Variants in THSD7B observed in about 807,000 individuals in gnomAD.
The protein encoded by THSD7B is thrombospondin type-1 domain-containing protein 7B.
A neutral mutation model predicts 213.6 loss-of-function variants in THSD7B; 138 were observed. That is an observed-to-expected ratio of 0.65 (90% CI 0.56 to 0.74). The LOEUF is 0.74. Ranked by LOEUF, THSD7B falls within the 30% of genes least tolerant of loss-of-function variation. The pLI, the probability that THSD7B is intolerant of heterozygous loss-of-function variation, is 0.00. For synonymous variants in THSD7B, 742 were observed against 687.0 expected (o/e 1.08, Z -1.25); for missense variants, 1,931 against 1,991.5 (o/e 0.97, Z 0.58).
chr2:137,503,261 T>C (rs977524791), intron 15 of THSD7B, among the ~76,000 whole-genome samples: 3 of 152,168 alleles, frequency 2.0e-5, no homozygotes, highest in African/African-American at 7.2e-5. Flanking sequence ...TACACTTGTG[T>C]AAGTAGCAGC....
intron 17 of THSD7B, among the ~76,000 whole-genome samples, chr2:137,575,931 A>G (rs1369166096): frequency 1.3e-5 from 2 of 151,724 alleles, no homozygotes; most frequent in Non-Finnish European, 2.9e-5. Flanking sequence ...TTCATTACTT[A>G]CCACCCAATG....
chr2:137,389,402 A>AT (rs70978214), intron 12 of THSD7B, among the ~76,000 whole-genome samples: 698 of 38,086 alleles, frequency 0.018, 137 homozygotes, highest in African/African-American at 0.075. Context: ...TCTTAATGTG[A>AT]TTTTTTTTTT....
intron 2 of THSD7B, among the ~76,000 whole-genome samples, chr2:136,886,731 G>T (rs1249070029): frequency 6.6e-6 from 1 of 152,220 alleles, no homozygotes; most frequent in Non-Finnish European, 1.5e-5. Flanking sequence ...GGGTGATACT[G>T]ACTTTGCCCT....
intron 12 of THSD7B, among the ~76,000 whole-genome samples, chr2:137,402,431 A>G (rs767879081): frequency 5.9e-5 from 9 of 152,172 alleles, no homozygotes; most frequent in Non-Finnish European, 5.9e-5. Context: ...ACATCATTCA[A>G]TTTGGTTTAT....
At chr2:137,051,125 A>G (rs1202139770) in intron 2 of THSD7B, among the ~76,000 whole-genome samples, 1 of 152,202 alleles carries the variant, frequency 6.6e-6, no homozygotes, top group Non-Finnish European at 1.5e-5. Context: ...GCTCTGGGAA[A>G]CAAAAGCATT....
At chr2:137,522,381 A>T (rs965510974) in intron 15 of THSD7B, among the ~76,000 whole-genome samples, 5 of 152,214 alleles carry the variant, frequency 3.3e-5, no homozygotes, top group African/African-American at 9.7e-5. Flanking sequence ...TAAAATTAGA[A>T]TGATAATCCA....
chr2:137,081,298 G>A (rs986181656), intron 3 of THSD7B, among the ~76,000 whole-genome samples: 4 of 151,972 alleles, frequency 2.6e-5, no homozygotes, highest in African/African-American at 9.7e-5. Flanking sequence ...ATTTTGGTCA[G>A]ATGTTTTAAT....
At chr2:137,609,080 C>T (rs1325921867) in intron 17 of THSD7B, among the ~76,000 whole-genome samples, 1 of 152,198 alleles carries the variant, frequency 6.6e-6, no homozygotes, top group African/African-American at 2.4e-5. Flanking sequence ...CCTGGGGAGG[C>T]TAAGTGATAA....
At chr2:136,953,233 A>G (rs1341991489) in intron 2 of THSD7B, among the ~76,000 whole-genome samples, 1 of 152,242 alleles carries the variant, frequency 6.6e-6, no homozygotes, top group Non-Finnish European at 1.5e-5. Context: ...CTCTCTGGAA[A>G]GAAAAAAATT....
At chr2:136,885,927 G>A (rs1683709529) in intron 2 of THSD7B, among the ~76,000 whole-genome samples, 1 of 152,142 alleles carries the variant, frequency 6.6e-6, no homozygotes, top group Admixed American at 6.5e-5. Flanking sequence ...AAAAGCTTAA[G>A]GAGGTTGTCC....
intron 14 of THSD7B, among the ~76,000 whole-genome samples, chr2:137,433,050 A>T (rs1195445780): frequency 6.6e-6 from 1 of 152,204 alleles, no homozygotes; most frequent in Non-Finnish European, 1.5e-5. Flanking sequence ...ATAGTATTAA[A>T]CAAGACAGAT....
At chr2:137,220,139 A>T (rs1481774627) in intron 7 of THSD7B, among the ~76,000 whole-genome samples, 3 of 152,216 alleles carry the variant, frequency 2.0e-5, no homozygotes. Flanking sequence ...TTGTATTTTT[A>T]AATACAAACT....
chr2:137,125,838 G>A (rs1233058710), intron 5 of THSD7B, among the ~76,000 whole-genome samples: 7 of 152,058 alleles, frequency 4.6e-5, no homozygotes, highest in Admixed American at 3.3e-4. Flanking sequence ...TGGTCCATGG[G>A]CTACAGAAAG....
intron 15 of THSD7B, among the ~76,000 whole-genome samples, chr2:137,543,600 G>A (rs192226148): frequency 1.7e-3 from 261 of 151,916 alleles, no homozygotes; most frequent in Non-Finnish European, 3.0e-3. Context: ...TGTAACCAAA[G>A]AGAAAAGAGA....
chr2:137,284,197 G>A (rs571981192), intron 12 of THSD7B, among the ~76,000 whole-genome samples: 10 of 152,062 alleles, frequency 6.6e-5, no homozygotes, highest in Non-Finnish European at 1.3e-4. Flanking sequence ...AGAGGTGTTT[G>A]TAGTATTCTC....
Position 137,573,500 on chromosome 2 carries a change from A to G in THSD7B, c.3423+944A>G, listed in dbSNP as rs116528419. On this transcript the variant is annotated intron_variant, in intron 17 of 27. Transcript: ENST00000409968. ...CTGAAAGAGATTTCACTCTATTGTT[A>G]TTTTTATTTGTTGAGTTGTTTTTAG... Among the ~76,000 whole-genome samples, 842 of 152,060 alleles carry G rather than the reference A, an allele frequency of 5.5e-3. 8 individuals are homozygous for G. The highest frequency in any genetic ancestry group is 0.024 in the Middle Eastern group (7 of 286).
intron 15 of THSD7B, among the ~76,000 whole-genome samples, chr2:137,489,227 C>A (rs1437986935): frequency 6.6e-6 from 1 of 151,858 alleles, no homozygotes; most frequent in Admixed American, 6.6e-5. Flanking sequence ...GAGATCGAGA[C>A]CATCCTGGCC....
At chr2:137,596,465 C>G (rs1681959439) in intron 17 of THSD7B, among the ~76,000 whole-genome samples, 1 of 151,932 alleles carries the variant, frequency 6.6e-6, no homozygotes, top group Non-Finnish European at 1.5e-5. Context: ...CTCCTGAAAC[C>G]AAAATCTTAT....
chr2:137,644,633 A>G (rs982299873), intron 21 of THSD7B, among the ~76,000 whole-genome samples: 1 of 152,214 alleles, frequency 6.6e-6, no homozygotes, highest in African/African-American at 2.4e-5. Context: ...AAAATTTACT[A>G]TACTTAAATT....
Sources: allele counts gnomAD v4.1 joint callset (sites outside exome capture counted in the v4.1 genomes callset), GRCh38; gene constraint gnomAD v4.1.1; transcripts MANE v1.5; gene names NCBI Gene and HGNC (gene_info 2026-07-23, HGNC 2026-07-21).